The following EIF5 variants were observed in gnomAD, a reference collection of about 807,000 sequenced individuals.
EIF5 encodes eukaryotic translation initiation factor 5.
In EIF5, 10 loss-of-function variants were observed where a neutral mutation model predicts 48.3. The ratio of observed to expected loss-of-function variants is 0.21; its 90% CI spans 0.13 to 0.35. The LOEUF is 0.35. Ranked by LOEUF, EIF5 falls within the 10% of genes least tolerant of loss-of-function variation. The pLI is 1.00. For missense variants in EIF5, 397 were observed against 533.2 expected (o/e 0.74, Z 2.51); for synonymous variants, 237 against 173.1 (o/e 1.37, Z -2.90).
chr14:103,340,642 T>G lies in EIF5; in HGVS notation c.1206+81T>G. On this transcript the variant is annotated intron_variant, in intron 11 of 11. Transcript: ENST00000216554. The stretch of plus-strand genomic sequence containing the variant: ...TTAAAAAGGTTTGTGAGGAGTGATA[T>G]AATGGCAGTTTGGGGTAATTTCAGG... The G allele has an allele frequency of 3.3e-6, 5 of 1,511,780 alleles. 2 individuals are homozygous for G. Among genetic ancestry groups the G allele is most frequent in the South Asian group, 2.5e-5 (2 of 78,516 alleles). The allele number at this position is 1,511,780 out of a possible 1,614,324, so 93.6% of individuals were successfully genotyped here.
At chr14:103,340,263 C>A in intron 10 of EIF5, 164 bp from the exon 11 acceptor site, 1 of 715,660 alleles carries the variant, frequency 1.4e-6, no homozygotes, top group South Asian at 2.0e-5. Flanking sequence ...GATTTGTAGT[C>A]ATAACAGACT....
At chr14:103,339,041 T>C in intron 8 of EIF5, 131 bp from the exon 9 acceptor site, 2 of 1,470,230 alleles carry the variant, frequency 1.4e-6, no homozygotes, top group Non-Finnish European at 1.8e-6. Flanking sequence ...TGCGCGTGAT[T>C]CCAGGCACTA....
chr14:103,337,881 T>C (rs2089306978), intron 6 of EIF5: 1 of 520,976 alleles, frequency 1.9e-6, no homozygotes, highest in African/African-American at 1.9e-5. Context: ...ATCAAAACTG[T>C]CTGACACAAT....
rs916468232 is a variant in EIF5 at position 103,335,795 on chromosome 14, G to A, written c.-66G>A. 6.4e-7 allele frequency: 1 copy of A among 1,565,486 alleles called. No homozygotes were observed. The highest frequency in any genetic ancestry group is 1.1e-5 in the South Asian group (1 of 89,994). On this transcript the variant is annotated 5_prime_UTR_variant, in exon 3 of 12. Transcript: ENST00000216554. ...TATGTCATCCCTTCTTCTCCAGACA[G>A]AAGATACCAAAAAGTTGCAATCAAA...
chr14:103,338,185 C>T (rs941286719), intron 6 of EIF5, 142 bp from the exon 7 acceptor site: 3 of 1,170,828 alleles, frequency 2.6e-6, no homozygotes, highest in Non-Finnish European at 3.7e-6. Flanking sequence ...TCTGTGAAGC[C>T]TCTTAGGTAG....
intron 9 of EIF5, 94 bp from the exon 10 acceptor site, chr14:103,339,545 G>A: frequency 6.4e-7 from 1 of 1,564,654 alleles, no homozygotes; most frequent in African/African-American, 1.4e-5. Flanking sequence ...CTATGGTATG[G>A]GCCATGCACT....
chr14:103,340,325 C>A, intron 10 of EIF5, 102 bp from the exon 11 acceptor site: 1 of 1,304,772 alleles, frequency 7.7e-7, no homozygotes, highest in Non-Finnish European at 1.1e-6. Context: ...AGGATTCAGA[C>A]TTGTTAGGAC....
At position 103,341,188 on chromosome 14, in the gene EIF5, GTGAGTGGTCTGTTATTAAGCCCAATGAGA is replaced by G; in HGVS notation, c.*137_*165del. 1.4e-6 allele frequency: 1 copy of G among 734,128 alleles called. No individual in the cohort carries two copies. The highest frequency in any genetic ancestry group is 1.6e-5 in the South Asian group (1 of 60,614). 45.5% of individuals were successfully genotyped at this position (734,128 alleles called of 1,614,324 possible). A position where few individuals can be genotyped will look rare whatever the true frequency, so the allele number is the denominator to read the frequency against. ...CACTTTACACTAAAAATCTATTACTGTGAGTGGTCTGTTATTAAGCCCAATGAGACATCTAGGGAGTCCATACACATCAG... is the reference window on the plus strand; with the variant it reads ...CACTTTACACTAAAAATCTATTACTGCATCTAGGGAGTCCATACACATCAG... On this transcript the variant is annotated 3_prime_UTR_variant, in exon 12 of 12. Transcript: ENST00000216554.
At chr14:103,340,376 C>A (rs370255124) in intron 10 of EIF5, 51 bp from the exon 11 acceptor site, 3 of 1,574,758 alleles carry the variant, frequency 1.9e-6, no homozygotes, top group South Asian at 2.3e-5. Context: ...TATAAATAAT[C>A]AAAAGTTGTT....
rs1306084829 is a variant in EIF5, at chr14:103,344,571, C to T, written c.*3519C>T. Reference sequence around the variant, plus strand: ...TTTCCATATCTGCTGGGGGTGGAGACCCTTATGTGCAGCACTCAATCCCAC... The same window carrying T: ...TTTCCATATCTGCTGGGGGTGGAGATCCTTATGTGCAGCACTCAATCCCAC... On this transcript the variant is annotated 3_prime_UTR_variant, in exon 12 of 12. Transcript: ENST00000216554. The T allele has an allele frequency of 6.6e-6, 1 of 152,184 alleles. No individual in the cohort carries two copies. Among genetic ancestry groups the T allele is most frequent in the Non-Finnish European group, 1.5e-5 (1 of 68,048 alleles). The allele number at this position is 152,184 out of a possible 1,614,324, so 9.4% of individuals were successfully genotyped here.
At chr14:103,338,282 A>G (rs777382900) in intron 6 of EIF5, 45 bp from the exon 7 acceptor site, 6 of 1,596,936 alleles carry the variant, frequency 3.8e-6, no homozygotes, top group East Asian at 4.5e-5. Context: ...CAATGAGGTA[A>G]TGTAAGTTAT....
intron 8 of EIF5, 105 bp downstream of exon 8, chr14:103,338,998 CT>C (rs2089321932): frequency 1.3e-6 from 2 of 1,492,712 alleles, no homozygotes; most frequent in African/African-American, 1.4e-5. Flanking sequence ...TAATGCACGA[CT>C]TTTTAGAACT....
At position 103,342,852 on chromosome 14, in the gene EIF5, CTG is replaced by C. The variant is rs1463106061; in HGVS notation, c.*1801_*1802del. 1 of 152,610 alleles carries C rather than the reference CTG, an allele frequency of 6.6e-6. No homozygotes were observed. Among genetic ancestry groups the C allele is most frequent in the Non-Finnish European group, 1.5e-5 (1 of 68,044 alleles). The allele number at this position is 152,610 out of a possible 1,614,324, so 9.5% of individuals were successfully genotyped here. A position where few individuals can be genotyped will look rare whatever the true frequency, so the allele number is the denominator to read the frequency against. On this transcript the variant is annotated 3_prime_UTR_variant, in exon 12 of 12. Coordinates refer to ENST00000216554, the MANE Select transcript of EIF5 (RefSeq NM_001969.5). Reference sequence around the variant, plus strand: ...CGCAAGGCTGATCTGCTTTCATTAACTGGAATTCTGTAGGAGATACTGGTGAC... The same window carrying C: ...CGCAAGGCTGATCTGCTTTCATTAACGAATTCTGTAGGAGATACTGGTGAC...
intron 11 of EIF5, among the ~76,000 whole-genome samples, 157 bp from the exon 12 acceptor site, chr14:103,340,806 T>C (rs1000680221): frequency 6.6e-6 from 1 of 152,236 alleles, no homozygotes; most frequent in African/African-American, 2.4e-5. Context: ...CTGGAGCCTG[T>C]GTAAGAGAAC....
chr14:103,336,988 T>C, intron 5 of EIF5, 128 bp from the exon 6 acceptor site: 2 of 1,346,156 alleles, frequency 1.5e-6, no homozygotes, highest in Admixed American at 2.6e-5. Flanking sequence ...ATTTCCATTC[T>C]TTTTTTTAAA....
At chr14:103,336,630 AGATC>A (rs2089290313) in intron 4 of EIF5, 43 bp from the exon 5 acceptor site, 1 of 1,536,044 alleles carries the variant, frequency 6.5e-7, no homozygotes, top group Admixed American at 2.2e-5. Flanking sequence ...GAGTAGCCAG[AGATC>A]TAGTTAACTG....
In EIF5 at chr14:103,345,005, G is replaced by C. The variant is rs2089398386; in HGVS notation, c.*3953G>C. On this transcript the variant is annotated 3_prime_UTR_variant, in exon 12 of 12. Transcript: ENST00000216554. The stretch of plus-strand genomic sequence containing the variant: ...TCAGAAAAAAGTAGATTTTAATAAA[G>C]TGTGAAAGTTGTCAATCAAAGCGGA... The C allele has an allele frequency of 6.6e-6, 1 of 151,896 alleles. No individual in the cohort carries two copies. The highest frequency in any genetic ancestry group is 2.1e-4 in the South Asian group (1 of 4,828). 9.4% of individuals were successfully genotyped at this position (151,896 alleles called of 1,614,324 possible).
In EIF5 at chr14:103,336,513, G is replaced by T. The variant is rs2089288306; in HGVS notation, c.155-164G>T. On this transcript the variant is annotated intron_variant, in intron 4 of 11. Transcript: ENST00000216554. ...GGAGAATCGCTTGAACCCCGGAAAC[G>T]GAGGTTGCAGTGAGCTGAGACCACG... The T allele has an allele frequency of 1.6e-5, 11 of 697,088 alleles. No homozygotes were observed. In the South Asian group the frequency reaches 2.4e-4, roughly 15 times the overall value. The allele number at this position is 697,088 out of a possible 1,614,324, so 43.2% of individuals were successfully genotyped here. A position where few individuals can be genotyped will look rare whatever the true frequency, so the allele number is the denominator to read the frequency against.
Position 103,343,542 on chromosome 14 carries a change from G to T in EIF5, c.*2490G>T, listed in dbSNP as rs1432232654. On this transcript the variant is annotated 3_prime_UTR_variant, in exon 12 of 12. Transcript: ENST00000216554. ...TGAAATTGACTTAAAAATTTTTAGT[G>T]TGGGTCCTAAAGTTTAGAGATGGGC... 6.6e-6 allele frequency: 1 copy of T among 152,186 alleles called. No homozygotes were observed. The highest frequency in any genetic ancestry group is 2.4e-5 in the African/African-American group (1 of 41,428). 9.4% of individuals were successfully genotyped at this position (152,186 alleles called of 1,614,324 possible). A position where few individuals can be genotyped will look rare whatever the true frequency, so the allele number is the denominator to read the frequency against.
Sources: gnomAD v4.1 joint callset for allele counts (sites outside exome capture counted in the v4.1 genomes callset) on GRCh38, gnomAD v4.1.1 for gene constraint, MANE v1.5 for transcripts, NCBI Gene and HGNC (gene_info 2026-07-23, HGNC 2026-07-21) for gene names.